The following DPP6 variants were observed in gnomAD, a reference collection of about 807,000 sequenced individuals.
The protein encoded by DPP6 is A-type potassium channel modulatory protein DPP6.
A neutral mutation model predicts 122.6 loss-of-function variants in DPP6; 69 were observed. That is an observed-to-expected ratio of 0.56 (90% CI 0.46 to 0.69). DPP6 has a LOEUF of 0.69. Among genes scored for constraint, DPP6 ranks in the 30% least tolerant of loss-of-function variants. The pLI is 0.00. For missense variants in DPP6, 928 were observed against 1,116.9 expected (o/e 0.83, Z 2.41); for synonymous variants, 418 against 433.1 (o/e 0.97, Z 0.43).
intron 1 of DPP6, among the ~76,000 whole-genome samples, chr7:153,891,657 G>T (rs1345565671): frequency 6.6e-6 from 1 of 152,136 alleles, no homozygotes; most frequent in East Asian, 1.9e-4. Context: ...GAAGGGTGTT[G>T]CTTCGTGCTG....
chr7:154,723,113 G>A (rs1841900584), intron 7 of DPP6, among the ~76,000 whole-genome samples: 1 of 152,076 alleles, frequency 6.6e-6, no homozygotes, highest in African/African-American at 2.4e-5. Context: ...ACAAAAATTA[G>A]CCAGGAGTGG....
chr7:154,194,757 T>G (rs1252938607), intron 1 of DPP6, among the ~76,000 whole-genome samples: 1 of 152,250 alleles, frequency 6.6e-6, no homozygotes, highest in Non-Finnish European at 1.5e-5. Flanking sequence ...GTGGACTTAT[T>G]CGTCTCTCCT....
At chr7:154,666,898 G>T (rs1838202351) in intron 6 of DPP6, among the ~76,000 whole-genome samples, 2 of 152,112 alleles carry the variant, frequency 1.3e-5, no homozygotes, top group Non-Finnish European at 2.9e-5. Context: ...ACTTTATTAG[G>T]TATTGTCAGA....
chr7:153,812,908 T>A, the DPP6 span, among the ~76,000 whole-genome samples: 8 of 151,876 alleles, frequency 5.3e-5, no homozygotes, highest in African/African-American at 1.7e-4. Flanking sequence ...AGATTTATTT[T>A]AAAAAAAGAG....
In DPP6 at chr7:154,074,257, G is replaced by T. The variant is rs574606727; in HGVS notation, c.243+21194G>T. ...GAAATAGGGTGGGAAGGATGAAGAT[G>T]ATATTTTATGTGATCTGTACTGTGT... On this transcript the variant is annotated intron_variant, in intron 1 of 25. Transcript: ENST00000377770. Among the ~76,000 whole-genome samples the T allele has an allele frequency of 2.6e-4, 39 of 152,040 alleles. No individual in the cohort carries two copies. In the South Asian group the frequency reaches 7.7e-3, roughly 30 times the overall value.
At chr7:154,256,339 C>T (rs953598989) in intron 1 of DPP6, among the ~76,000 whole-genome samples, 4 of 152,196 alleles carry the variant, frequency 2.6e-5, no homozygotes, top group African/African-American at 9.6e-5. Flanking sequence ...CTGCAGAAGG[C>T]AGGCACCTCC....
chr7:154,836,927 G>A (rs932080870), intron 16 of DPP6, among the ~76,000 whole-genome samples: 5 of 152,102 alleles, frequency 3.3e-5, no homozygotes, highest in East Asian at 3.9e-4. Context: ...GGCTGGTCTC[G>A]AACTCCTGAC....
chr7:154,060,335 A>G (rs1485230864), intron 1 of DPP6, among the ~76,000 whole-genome samples: 2 of 122,008 alleles, frequency 1.6e-5, no homozygotes, highest in East Asian at 2.7e-4. Flanking sequence ...CAGGAGGGGG[A>G]GGCACCCCCC....
rs148308482 is a variant in DPP6, at chr7:154,235,486, T to C, written c.243+182423T>C. Among the ~76,000 whole-genome samples, 51 of 145,622 alleles carry C rather than the reference T, an allele frequency of 3.5e-4. 2 individuals carry two copies. The highest frequency in any genetic ancestry group is 1.3e-3 in the African/African-American group (48 of 37,004). ...CCAAAAGCTAGAGAATTCCTTTTTTTCTTTTTTCCTCTTACTATACAAACC... is the reference window on the plus strand; with the variant it reads ...CCAAAAGCTAGAGAATTCCTTTTTTCCTTTTTTCCTCTTACTATACAAACC... On this transcript the variant is annotated intron_variant, in intron 1 of 25. Transcript: ENST00000377770.
At chr7:154,387,647 C>G (rs984558118) in intron 1 of DPP6, among the ~76,000 whole-genome samples, 5 of 152,202 alleles carry the variant, frequency 3.3e-5, no homozygotes, top group Non-Finnish European at 5.9e-5. Context: ...CCAGCCCCCA[C>G]ATTATCATGT....
intron 1 of DPP6, among the ~76,000 whole-genome samples, chr7:153,955,919 G>C (rs1247937004): frequency 2.0e-5 from 3 of 152,160 alleles, no homozygotes; most frequent in Admixed American, 2.0e-4. Context: ...ATATAAAGAA[G>C]GAGGAAGTAG....
chr7:154,181,692 C>A (rs1798091507), intron 1 of DPP6, among the ~76,000 whole-genome samples: 1 of 151,046 alleles, frequency 6.6e-6, no homozygotes, highest in Non-Finnish European at 1.5e-5. Flanking sequence ...TAATTTGTTT[C>A]TTTTGCCATT....
chr7:154,046,965 C>T (rs1215985046), intron 1 of DPP6, among the ~76,000 whole-genome samples: 4 of 151,766 alleles, frequency 2.6e-5, no homozygotes, highest in African/African-American at 9.7e-5. Context: ...TACCAATTTA[C>T]GTGGCAGGAT....
rs1054332199 is a variant in DPP6 at position 154,877,402 on chromosome 7, C to T, written c.2078+1302C>T. On this transcript the variant is annotated intron_variant, in intron 20 of 25. Transcript: ENST00000377770. The surrounding 1 kb of genome is among the most constrained non-coding windows in gnomAD (Gnocchi z 5.2). ...CAATGACTACAACAACACATGTGTGCGTGCACACACACACACACACACACA... is the reference window on the plus strand; with the variant it reads ...CAATGACTACAACAACACATGTGTGTGTGCACACACACACACACACACACA... 9.2e-5 allele frequency among the ~76,000 whole-genome samples: 11 copies of T among 119,278 alleles called. No individual in the cohort carries two copies. The highest frequency in any genetic ancestry group is 2.6e-4 in the African/African-American group (8 of 31,246). The allele number at this position is 119,278 out of a possible 152,430, so 78.3% of individuals were successfully genotyped here. A position where few individuals can be genotyped will look rare whatever the true frequency, so the allele number is the denominator to read the frequency against.
At chr7:154,090,583 A>G (rs576455658) in intron 1 of DPP6, among the ~76,000 whole-genome samples, 22 of 152,132 alleles carry the variant, frequency 1.4e-4, no homozygotes, top group Middle Eastern at 6.8e-3. Flanking sequence ...ATACAAAGCC[A>G]CCACCACCAC....
rs141620542 is a variant in DPP6 at position 154,474,531 on chromosome 7, A to G, written c.359-408A>G. ...TTTTCTGTGTCTTTGAATTCTCAGC[A>G]GCTAAAATGCTGCACTTAATGAATG... is the stretch of plus-strand genomic sequence containing the variant. On this transcript the variant is annotated intron_variant, in intron 2 of 25. Coordinates refer to ENST00000377770, the MANE Select transcript of DPP6 (RefSeq NM_130797.4). Among the ~76,000 whole-genome samples, 100 of 152,372 alleles carry G rather than the reference A, an allele frequency of 6.6e-4. No individual in the cohort carries two copies. The East Asian group carries it at 0.018, about 27-fold the overall frequency.
chr7:154,359,417 G>T (rs765936917), intron 1 of DPP6, among the ~76,000 whole-genome samples: 55 of 152,222 alleles, frequency 3.6e-4, no homozygotes, highest in Non-Finnish European at 7.4e-4. Flanking sequence ...TTGATGAAAG[G>T]TTCCTTCTGC....
intron 5 of DPP6, among the ~76,000 whole-genome samples, chr7:154,613,922 T>C (rs1448313872): frequency 6.6e-6 from 1 of 152,202 alleles, no homozygotes; most frequent in African/African-American, 2.4e-5. Flanking sequence ...AGCCACGCCC[T>C]GCGCCAAGCC....
At chr7:154,757,709 C>T (rs1466368371) in intron 8 of DPP6, among the ~76,000 whole-genome samples, 3 of 152,196 alleles carry the variant, frequency 2.0e-5, no homozygotes, top group Non-Finnish European at 2.9e-5. Context: ...ACAGCACTGG[C>T]ATAGTCGTGG....
Sources: gnomAD v4.1 joint callset for allele counts (sites outside exome capture counted in the v4.1 genomes callset) on GRCh38, gnomAD v4.1.1 for gene constraint, Gnocchi (gnomAD v3.1) non-coding constraint, MANE v1.5 for transcripts, NCBI Gene and HGNC (gene_info 2026-07-23, HGNC 2026-07-21) for gene names.